LRP2: variants seen among roughly 807,000 people sequenced by gnomAD.
The protein encoded by LRP2 is LDL receptor related protein 2, also known as low-density lipoprotein receptor-related protein 2.
A neutral mutation model predicts 531.0 loss-of-function variants in LRP2; 172 were observed. The ratio of observed to expected loss-of-function variants is 0.32; its 90% CI spans 0.29 to 0.37. The LOEUF (loss-of-function observed/expected upper bound fraction) is 0.37, where lower values mean the gene tolerates loss of function less well. Among genes scored for constraint, LRP2 ranks in the 10% least tolerant of loss-of-function variants. LRP2 has a pLI of 1.00. For synonymous variants in LRP2, 1,992 were observed against 2,027.6 expected, an observed-to-expected ratio of 0.98 and a Z score of 0.47; for missense variants, 5,167 against 5,868.3, an observed-to-expected ratio of 0.88 and a Z score of 3.90.
intron 38 of LRP2, among the ~76,000 whole-genome samples, chr2:169,208,649 G>T (rs1285633926): frequency 6.6e-6 from 1 of 151,924 alleles, no homozygotes; most frequent in Admixed American, 6.6e-5. Flanking sequence ...TAGAGATGGG[G>T]TTTCACCATG....
At chr2:169,312,755 G>A (rs1684649408) in intron 3 of LRP2, among the ~76,000 whole-genome samples, 1 of 152,184 alleles carries the variant, frequency 6.6e-6, no homozygotes, top group East Asian at 1.9e-4. Context: ...GGCCTGCCTT[G>A]CTAGGTTGGG....
chr2:169,168,179 C>T (rs1039604232), intron 61 of LRP2, among the ~76,000 whole-genome samples: 8 of 151,264 alleles, frequency 5.3e-5, no homozygotes, highest in African/African-American at 1.9e-4. Flanking sequence ...GAGGGTACTT[C>T]AGGGGCACCC....
chr2:169,318,287 G>A (rs1012924366), intron 3 of LRP2, among the ~76,000 whole-genome samples: 4 of 151,984 alleles, frequency 2.6e-5, no homozygotes, highest in South Asian at 2.1e-4. Context: ...TCCCTATGGT[G>A]GCTGTGGCAG....
Position 169,265,670 on chromosome 2 carries a change from C to A in LRP2, c.2320+5234G>T, listed in dbSNP as rs538277245. On this transcript the variant is annotated intron_variant, in intron 16 of 78. Transcript: ENST00000649046. ...TGCAACCTGTACCCAGCCAAACAGT[C>A]AAGATGGAGAGCAAAATAAAACACT... Among the ~76,000 whole-genome samples, 12 of 152,074 alleles carry A rather than the reference C, an allele frequency of 7.9e-5. No homozygotes were observed. In the South Asian group the frequency reaches 2.5e-3, roughly 32 times the overall value.
intron 71 of LRP2, among the ~76,000 whole-genome samples, chr2:169,142,236 C>T (rs139450145): frequency 6.6e-6 from 1 of 152,282 alleles, no homozygotes; most frequent in African/African-American, 2.4e-5. Context: ...TGCTGGTCTT[C>T]GTCTCCTGAT....
intron 1 of LRP2, among the ~76,000 whole-genome samples, chr2:169,322,352 G>T (rs1684930462): frequency 6.6e-6 from 1 of 152,190 alleles, no homozygotes; most frequent in Non-Finnish European, 1.5e-5. Context: ...GATTTATAAT[G>T]TATGCTGCAA....
intron 45 of LRP2, 92 bp downstream of exon 45, chr2:169,198,694 A>G: frequency 6.7e-7 from 1 of 1,482,268 alleles, no homozygotes; most frequent in East Asian, 2.4e-5. Context: ...GACAATTGAA[A>G]TCAGCCCGAA....
rs2105387611 is a variant in LRP2 at position 169,243,498 on chromosome 2, C to G, written c.3455G>C (p.Ser1152Thr). The G allele has an allele frequency of 1.9e-6, 3 of 1,614,152 alleles. No homozygotes were observed. The highest frequency in any genetic ancestry group is 2.5e-6 in the Non-Finnish European group (3 of 1,180,014). Residue 1152 changes from serine (S) to threonine (T), a missense_variant, in exon 23 of 79, where the codon AGT becomes ACT. By Grantham distance (58) the Ser-to-Thr change is moderately conservative (BLOSUM62 1). Around this residue, in one of 6 missense-constraint regions of LRP2, gnomAD observed 2,811 missense variants for 3,058.0 expected, o/e 0.92. Transcript: ENST00000649046. Reference sequence around the variant, plus strand: ...TCGATGATTGGGGCAATTAAACTGACTAGGTTGGCATGTCTCTGTCGAATC... The same window carrying G: ...TCGATGATTGGGGCAATTAAACTGAGTAGGTTGGCATGTCTCTGTCGAATC... Reference protein sequence around the residue: ...NCNSTETCQPSQFNCPNHRCI... With the variant: ...NCNSTETCQPTQFNCPNHRCI...
At position 169,275,045 on chromosome 2, in the gene LRP2, G is replaced by A; in HGVS notation, c.1966C>T (p.Gln656Ter). 6.2e-7 allele frequency: 1 copy of A among 1,613,492 alleles called. No individual in the cohort carries two copies. Among genetic ancestry groups the A allele is most frequent in the Non-Finnish European group, 8.5e-7 (1 of 1,179,644 alleles). ...CTGCTCTGAGGCTTACCATAGGGCT[G>A]TCTGAGGGAATGGTAAACAGTCACT... The part of the protein sequence containing the change: ...YGVTVYHSLR[Q>*]PYATNPCKDN... The change falls in exon 14 of 79, where the codon CAG becomes TAG. Residue 656 changes from glutamine to a stop codon, truncating the protein, a stop_gained. Coordinates refer to ENST00000649046, the MANE Select transcript of LRP2 (RefSeq NM_004525.3). LOFTEE classifies it high-confidence loss of function.
intron 58 of LRP2, among the ~76,000 whole-genome samples, 174 bp from the exon 59 acceptor site, chr2:169,170,841 G>C (rs747081712): frequency 6.6e-6 from 1 of 150,840 alleles, no homozygotes; most frequent in Non-Finnish European, 1.5e-5. Context: ...CCTTAATTTT[G>C]AGTCTGTAAA....
At chr2:169,181,414 T>A (rs762819139) in intron 52 of LRP2, 34 bp downstream of exon 52, 5 of 1,601,714 alleles carry the variant, frequency 3.1e-6, no homozygotes, top group Non-Finnish European at 4.3e-6. Context: ...AATAAACAGT[T>A]ACACAATTGT....
chr2:169,213,539 T>A (rs1160897178), intron 36 of LRP2, 118 bp downstream of exon 36: 1 of 883,064 alleles, frequency 1.1e-6, no homozygotes, highest in African/African-American at 1.7e-5. Flanking sequence ...TCAGGTAACT[T>A]CAATTTGTAT....
In LRP2 at chr2:169,138,666, C is replaced by A; in HGVS notation, c.13429G>T (p.Val4477Leu). The A allele has an allele frequency of 6.2e-7, 1 of 1,614,066 alleles. No homozygotes were observed. Among genetic ancestry groups the A allele is most frequent in the South Asian group, 1.1e-5 (1 of 91,074 alleles). ...AGATCTGCCCCTGATCTGAAGGTCA[C>A]CCCATTCCCATTTTCAGAGGGCTTG... ...LVKPSENGNG[V>L]TFRSGADLNM... The change falls in exon 75 of 79, where the codon GTG (valine) becomes TTG (leucine). Residue 4477 changes from valine (V) to leucine (L), a missense_variant. This residue lies in a region of LRP2 where 348 missense variants were observed against 369.3 expected (regional missense o/e 0.94). Coordinates refer to ENST00000649046, the MANE Select transcript of LRP2 (RefSeq NM_004525.3).
At chr2:169,176,316 G>T (rs1389658369) in intron 54 of LRP2, 95 bp downstream of exon 54, 5 of 1,431,040 alleles carry the variant, frequency 3.5e-6, no homozygotes, top group Non-Finnish European at 3.9e-6. Context: ...CCAAAATCTT[G>T]TCTCACTAGA....
chr2:169,157,915 T>TATAAATAA (rs1686394699), intron 63 of LRP2, among the ~76,000 whole-genome samples: 1 of 61,344 alleles, frequency 1.6e-5, no homozygotes, highest in African/African-American at 5.5e-5. Context: ...AGATAACAGA[T>TATAAATAA]AGAAATAAAT....
chr2:169,207,840 A>G (rs1361843889), intron 38 of LRP2, among the ~76,000 whole-genome samples: 2 of 152,244 alleles, frequency 1.3e-5, no homozygotes, highest in East Asian at 1.9e-4. Context: ...GAATAAAAAG[A>G]TAACTTTATG....
Position 169,279,458 on chromosome 2 carries a change from C to T in LRP2, c.1479G>A (p.Met493Ile). The change falls in exon 12 of 79, where the codon ATG (methionine) becomes ATA (isoleucine). Residue 493 changes from methionine (M) to isoleucine (I), a missense_variant. Met to Ile is a conservative substitution (Grantham distance 10, BLOSUM62 1). Transcript: ENST00000649046. ...LVETKVNRID[M>I]VNLDGSYRVT... The stretch of plus-strand genomic sequence containing the variant: ...CCCGATAGCTTCCATCCAAATTTAC[C>T]ATATCTATGCGGTTGACCTTGGTTT... The T allele has an allele frequency of 6.2e-7, 1 of 1,614,006 alleles. No individual in the cohort carries two copies. Among genetic ancestry groups the T allele is most frequent in the South Asian group, 1.1e-5 (1 of 91,060 alleles).
chr2:169,156,763 C>T (rs1574079169), intron 64 of LRP2, among the ~76,000 whole-genome samples: 1 of 152,190 alleles, frequency 6.6e-6, no homozygotes, highest in Admixed American at 6.6e-5. Flanking sequence ...TGTCTCTTCA[C>T]TTCTGCTAAC....
intron 42 of LRP2, among the ~76,000 whole-genome samples, chr2:169,203,677 A>G (rs528796197): frequency 6.6e-6 from 1 of 152,354 alleles, no homozygotes; most frequent in East Asian, 1.9e-4. Flanking sequence ...GAATGGCATG[A>G]ACCCAGGAGG....
Sources: gnomAD v4.1 joint callset for allele counts (sites outside exome capture counted in the v4.1 genomes callset) on GRCh38, gnomAD v4.1.1 for gene constraint, gnomAD v4.1.1 regional missense constraint, MANE v1.5 for transcripts, NCBI Gene and HGNC (gene_info 2026-07-23, HGNC 2026-07-21) for gene names.